RHBDL3: variants seen among roughly 807,000 people sequenced by gnomAD.
RHBDL3 encodes the protein rhomboid-related protein 3.
In RHBDL3, 28 loss-of-function variants were observed where a neutral mutation model predicts 48.2. The ratio of observed to expected loss-of-function variants is 0.58; its 90% CI spans 0.43 to 0.80. The LOEUF is 0.80. Ranked by LOEUF, RHBDL3 falls within the 30% of genes least tolerant of loss-of-function variation. The probability of loss-of-function intolerance (pLI) is 0.00; values close to 1 mark genes in which losing one functional copy is unlikely to be tolerated. For missense variants in RHBDL3, 464 were observed against 542.7 expected, an observed-to-expected ratio of 0.85 and a Z score of 1.44; for synonymous variants, 208 against 232.3, an observed-to-expected ratio of 0.90 and a Z score of 0.95.
intron 2 of RHBDL3, 154 bp from the exon 3 acceptor site, chr17:32,284,504 TC>T: frequency 3.1e-6 from 2 of 651,306 alleles, no homozygotes. Flanking sequence ...TTTAGATGTT[TC>T]CCAGGGGGGT....
intron 5 of RHBDL3, among the ~76,000 whole-genome samples, chr17:32,297,039 C>T (rs994216860): frequency 4.0e-5 from 6 of 151,348 alleles, no homozygotes; most frequent in African/African-American, 9.7e-5. Flanking sequence ...TTAGTAAAGA[C>T]GGGGTTTCAC....
At chr17:32,317,302 T>C (rs2041000166) in intron 8 of RHBDL3, among the ~76,000 whole-genome samples, 1 of 152,250 alleles carries the variant, frequency 6.6e-6, no homozygotes, top group Admixed American at 6.5e-5. Flanking sequence ...TTGAGATCCC[T>C]TGTTGAAAGT....
chr17:32,304,387 G>T (rs1331750561), intron 6 of RHBDL3, among the ~76,000 whole-genome samples: 2 of 152,214 alleles, frequency 1.3e-5, no homozygotes, highest in Non-Finnish European at 2.9e-5. Context: ...CTCTGGGCCA[G>T]TTTGGGGCGT....
chr17:32,274,480 C>A (rs2039847754), intron 2 of RHBDL3, among the ~76,000 whole-genome samples: 1 of 152,174 alleles, frequency 6.6e-6, no homozygotes, highest in Admixed American at 6.6e-5. Flanking sequence ...TTCGAGGGAG[C>A]AAACATTGAA....
At chr17:32,292,099 C>T (rs1351799267) in intron 4 of RHBDL3, among the ~76,000 whole-genome samples, 3 of 151,836 alleles carry the variant, frequency 2.0e-5, no homozygotes, top group East Asian at 1.9e-4. Context: ...AACAGTTATG[C>T]ATATGCCCTG....
At chr17:32,288,146 C>T (rs543637451) in intron 3 of RHBDL3, 1 of 152,330 alleles carries the variant, frequency 6.6e-6, no homozygotes, top group Non-Finnish European at 1.5e-5. Flanking sequence ...TAACCAAGGG[C>T]TGCCTGCCTC....
chr17:32,284,512 G>A (rs1276431943), intron 2 of RHBDL3, 147 bp from the exon 3 acceptor site: 3 of 671,546 alleles, frequency 4.5e-6, no homozygotes, highest in Non-Finnish European at 7.5e-6. Flanking sequence ...TTTCCCAGGG[G>A]GGTCCTTGGA....
At chr17:32,307,469 CT>C (rs932525335) in intron 7 of RHBDL3, among the ~76,000 whole-genome samples, 3 of 152,188 alleles carry the variant, frequency 2.0e-5, no homozygotes, top group Non-Finnish European at 4.4e-5. Flanking sequence ...AACCCTGTCC[CT>C]TTTGTTCTCA....
At chr17:32,309,770 C>CTTTTTTT (rs11346917) in intron 7 of RHBDL3, among the ~76,000 whole-genome samples, 1 of 124,758 alleles carries the variant, frequency 8.0e-6, no homozygotes, top group African/African-American at 3.1e-5. Flanking sequence ...ATCAAGACTT[C>CTTTTTTT]TTTTTTTTTT....
Position 32,289,088 on chromosome 17 carries a change from A to C in RHBDL3, c.519+72A>C, listed in dbSNP as rs1055100593. 2.5e-6 allele frequency: 3 copies of C among 1,196,550 alleles called. No individual in the cohort carries two copies. The East Asian group carries it at 7.1e-5, about 28-fold the overall frequency. The allele number at this position is 1,196,550 out of a possible 1,614,324, so 74.1% of individuals were successfully genotyped here. Reference sequence around the variant, plus strand: ...GGGTATGGGGAGAGGAGCCAAGAGGATGACACACAGATCATGGGGGAAGAG... The same window carrying C: ...GGGTATGGGGAGAGGAGCCAAGAGGCTGACACACAGATCATGGGGGAAGAG... On this transcript the variant is annotated intron_variant, in intron 4 of 8. Transcript: ENST00000269051.
intron 2 of RHBDL3, among the ~76,000 whole-genome samples, chr17:32,272,817 G>A (rs2039804483): frequency 6.6e-6 from 1 of 152,178 alleles, no homozygotes; most frequent in African/African-American, 2.4e-5. Flanking sequence ...ACGACAGGTC[G>A]AACTACAGCT....
rs1281433732 is a variant in RHBDL3, at chr17:32,265,833, C to A, written c.-357C>A. On this transcript the variant is annotated 5_prime_UTR_variant, in exon 1 of 9. Transcript: ENST00000269051. ...CCGCGGGGAGGAGGAGACTCGGGCG[C>A]AGAGCGGGGGCCGCGAGAAGCGGGA... Among the ~76,000 whole-genome samples the A allele has an allele frequency of 6.8e-6, 1 of 147,360 alleles. No individual in the cohort carries two copies. Among genetic ancestry groups the A allele is most frequent in the Non-Finnish European group, 1.5e-5 (1 of 66,134 alleles).
At chr17:32,275,008 A>AC (rs200256344) in intron 2 of RHBDL3, among the ~76,000 whole-genome samples, 19,017 of 151,934 alleles carry the variant, frequency 0.13, 1,439 homozygotes, top group Non-Finnish European at 0.16. Context: ...CCTGCCATGC[A>AC]CCCGCTCTGC....
chr17:32,288,973 G>C lies in RHBDL3; in HGVS notation c.476G>C (p.Cys159Ser), dbSNP rs1004261477. The change falls in exon 4 of 9, where the codon TGC becomes TCC. Residue 159 changes from cysteine to serine, a missense_variant. Transcript: ENST00000269051. ...DRKWYYDSYT[C>S]CPPPWFMITV... The stretch of plus-strand genomic sequence containing the variant: ...AAGTGGTACTATGACAGCTACACCT[G>C]CTGCCCCCCACCCTGGTTCATGATC... 1.2e-6 allele frequency: 2 copies of C among 1,614,074 alleles called. No homozygotes were observed. The highest frequency in any genetic ancestry group is 1.7e-6 in the Non-Finnish European group (2 of 1,180,044).
intron 7 of RHBDL3, among the ~76,000 whole-genome samples, chr17:32,307,112 T>C (rs562093258): frequency 6.6e-6 from 1 of 152,258 alleles, no homozygotes; most frequent in African/African-American, 2.4e-5. Context: ...CAAAATCCTT[T>C]TTTTGGAGGC....
At chr17:32,297,148 G>A (rs1265520205) in intron 5 of RHBDL3, among the ~76,000 whole-genome samples, 2 of 151,986 alleles carry the variant, frequency 1.3e-5, no homozygotes, top group Admixed American at 6.6e-5. Flanking sequence ...ACCACGCCTG[G>A]CTAACATCCA....
chr17:32,292,127 G>A (rs1432138470), intron 4 of RHBDL3, among the ~76,000 whole-genome samples: 2 of 152,090 alleles, frequency 1.3e-5, no homozygotes, highest in South Asian at 2.1e-4. Context: ...ACACAGGGAC[G>A]TAAATGATAC....
At chr17:32,303,828 G>A (rs1221334260) in intron 6 of RHBDL3, among the ~76,000 whole-genome samples, 11 of 152,220 alleles carry the variant, frequency 7.2e-5, no homozygotes, top group African/African-American at 2.6e-4. Flanking sequence ...TGGTTGCTGG[G>A]CTGGGCCCAG....
chr17:32,294,282 T>A lies in RHBDL3; in HGVS notation c.520-12T>A. On this transcript the variant is annotated splice_polypyrimidine_tract_variant and intron_variant, in intron 4 of 8. Coordinates refer to ENST00000269051, the MANE Select transcript of RHBDL3 (RefSeq NM_138328.3). ...TGTGCACCTAGTAACAGACTCTCTCTCTTCTGTCCAGGTTGCCTTTTTCCT... is the reference window on the plus strand; with the variant it reads ...TGTGCACCTAGTAACAGACTCTCTCACTTCTGTCCAGGTTGCCTTTTTCCT... The A allele has an allele frequency of 6.2e-7, 1 of 1,612,560 alleles. No individual in the cohort carries two copies. The highest frequency in any genetic ancestry group is 8.5e-7 in the Non-Finnish European group (1 of 1,179,192).
Sources: gnomAD v4.1 joint callset for allele counts (sites outside exome capture counted in the v4.1 genomes callset) on GRCh38, gnomAD v4.1.1 for gene constraint, MANE v1.5 for transcripts, NCBI Gene and HGNC (gene_info 2026-07-23, HGNC 2026-07-21) for gene names.